Variants in SUPT3H observed in about 807,000 individuals in gnomAD.
The protein encoded by SUPT3H is SPT3 homolog, SAGA and STAGA complex component, also known as transcription initiation protein SPT3 homolog.
SUPT3H carries 44 observed loss-of-function variants against 44.3 expected under a neutral mutation model. The observed-to-expected ratio is 0.99, with a 90% CI of 0.78 to 1.28. The LOEUF (loss-of-function observed/expected upper bound fraction) is 1.28, where lower values mean the gene tolerates loss of function less well. SUPT3H is among the 50% of genes most tolerant of loss of function. The pLI is 0.00. For missense variants in SUPT3H, 380 were observed against 387.1 expected (o/e 0.98, Z 0.15); for synonymous variants, 124 against 125.6 (o/e 0.99, Z 0.09).
intron 2 of SUPT3H, among the ~76,000 whole-genome samples, chr6:45,330,515 G>C (rs1053963945): frequency 6.6e-6 from 1 of 151,816 alleles, no homozygotes; most frequent in African/African-American, 2.4e-5. Flanking sequence ...TTAAAAACCA[G>C]ATCAGGAACA....
chr6:44,892,821 A>C (rs1165167517), intron 10 of SUPT3H, among the ~76,000 whole-genome samples: 1 of 152,114 alleles, frequency 6.6e-6, no homozygotes, highest in Non-Finnish European at 1.5e-5. Flanking sequence ...ACCACAGCAC[A>C]TGGCTTCATC....
In SUPT3H at chr6:45,096,805, G is replaced by GT. The variant is rs534818011; in HGVS notation, c.186+9116dup. On this transcript the variant is annotated intron_variant, in intron 3 of 10. Coordinates refer to ENST00000371459, the MANE Select transcript of SUPT3H (RefSeq NM_003599.4). ...TAAAAATCTGTATTGACTAAGGGAG[G>GT]TTTTTTTTTAAAGAATCAAAGTATA... Among the ~76,000 whole-genome samples, 1,483 of 151,240 alleles carry GT rather than the reference G, an allele frequency of 9.8e-3. 7 individuals are homozygous for GT. Among genetic ancestry groups the GT allele is most frequent in the South Asian group, 0.015 (72 of 4,758 alleles).
Position 44,827,095 on chromosome 6 carries a change from C to T in SUPT3H, c.*2721G>A, listed in dbSNP as rs1024168376. Among the ~76,000 whole-genome samples the T allele has an allele frequency of 4.0e-4, 61 of 152,170 alleles. No homozygotes were observed. The highest frequency in any genetic ancestry group is 9.4e-4 in the African/African-American group (39 of 41,534). ...AAATCTAGGAAGCAGTATCAAGAGA[C>T]GCTATTTATTTATTGGCTTATTTAT... On this transcript the variant is annotated 3_prime_UTR_variant, in exon 11 of 11. Transcript: ENST00000371459.
chr6:45,310,636 G>T (rs1783792387), intron 2 of SUPT3H, among the ~76,000 whole-genome samples: 1 of 152,122 alleles, frequency 6.6e-6, no homozygotes, highest in African/African-American at 2.4e-5. Context: ...CACCAGCCAG[G>T]AGCTGGGTAG....
At chr6:45,265,739 C>T (rs956146768) in intron 2 of SUPT3H, among the ~76,000 whole-genome samples, 1 of 151,914 alleles carries the variant, frequency 6.6e-6, no homozygotes. Flanking sequence ...TTAGTGTGTT[C>T]CCTGCAGCAT....
chr6:44,945,298 A>C (rs1224484574), intron 9 of SUPT3H, among the ~76,000 whole-genome samples: 1 of 152,176 alleles, frequency 6.6e-6, no homozygotes, highest in Non-Finnish European at 1.5e-5. Flanking sequence ...TAGGCCAATT[A>C]ATAACCCTAC....
chr6:45,152,045 T>C (rs9349313), intron 2 of SUPT3H, among the ~76,000 whole-genome samples: 88,780 of 151,866 alleles, frequency 0.58, 26,736 homozygotes, highest in African/African-American at 0.73. Flanking sequence ...TCCCAAATCT[T>C]TAAATACCAT....
At chr6:45,318,710 A>G (rs1309812328) in intron 2 of SUPT3H, among the ~76,000 whole-genome samples, 1 of 152,184 alleles carries the variant, frequency 6.6e-6, no homozygotes, top group Admixed American at 6.5e-5. Flanking sequence ...TAATCCATAA[A>G]TTATTTCAAA....
chr6:45,014,032 C>G (rs572556250), intron 5 of SUPT3H, among the ~76,000 whole-genome samples: 4 of 152,160 alleles, frequency 2.6e-5, no homozygotes, highest in Non-Finnish European at 4.4e-5. Context: ...AAAAAATTTA[C>G]CAGTTAAATG....
At chr6:45,005,168 T>A (rs1365799838) in intron 5 of SUPT3H, among the ~76,000 whole-genome samples, 1 of 152,052 alleles carries the variant, frequency 6.6e-6, no homozygotes, top group Admixed American at 6.6e-5. Context: ...TGTCTCTCCA[T>A]GAGAAAAGCC....
chr6:45,153,395 T>C (rs1807262828), intron 2 of SUPT3H, among the ~76,000 whole-genome samples: 1 of 152,182 alleles, frequency 6.6e-6, no homozygotes. Context: ...AATCACTTAA[T>C]AGGAACAACA....
In SUPT3H at chr6:45,310,544, C is replaced by A. The variant is rs1210122080; in HGVS notation, c.101+54657G>T. Among the ~76,000 whole-genome samples the A allele has an allele frequency of 3.9e-5, 6 of 152,286 alleles. No individual in the cohort carries two copies. In the East Asian group the frequency reaches 7.7e-4, roughly 20 times the overall value. ...GAGTCCGTTGCACCCTCCACCACCT[C>A]CACCAGAACAGGCACTGGTATCCAC... On this transcript the variant is annotated intron_variant, in intron 2 of 10. Transcript: ENST00000371459.
chr6:45,357,314 C>G (rs1242348602), intron 2 of SUPT3H, among the ~76,000 whole-genome samples: 1 of 151,780 alleles, frequency 6.6e-6, no homozygotes, highest in Non-Finnish European at 1.5e-5. Context: ...GTCAAGAATC[C>G]ATTTTTATCT....
Position 45,179,041 on chromosome 6 carries a change from G to C in SUPT3H, c.102-73035C>G, listed in dbSNP as rs368383900. On this transcript the variant is annotated intron_variant, in intron 2 of 10. Coordinates refer to ENST00000371459, the MANE Select transcript of SUPT3H (RefSeq NM_003599.4). ...AATAGACGCAATAAAAAATGATAAA[G>C]GGGATATCACCACCGATCCCACAGA... is the stretch of plus-strand genomic sequence containing the variant. 1.2e-4 allele frequency among the ~76,000 whole-genome samples: 18 copies of C among 152,146 alleles called. No individual in the cohort carries two copies. The East Asian group carries it at 2.9e-3, about 24-fold the overall frequency.
chr6:44,871,060 G>T (rs1220334669), intron 10 of SUPT3H, among the ~76,000 whole-genome samples: 5 of 149,452 alleles, frequency 3.3e-5, no homozygotes, highest in African/African-American at 4.9e-5. Flanking sequence ...AGGCGGCAAC[G>T]AGGCTGGGGG....
At chr6:45,349,076 A>C (rs527959209) in intron 2 of SUPT3H, among the ~76,000 whole-genome samples, 2 of 152,304 alleles carry the variant, frequency 1.3e-5, no homozygotes, top group East Asian at 3.9e-4. Context: ...CATTACGTAA[A>C]TCAGTGGGAT....
chr6:45,321,771 AG>A (rs763579789), intron 2 of SUPT3H: 112 of 1,508,746 alleles, frequency 7.4e-5, no homozygotes, highest in Non-Finnish European at 9.5e-5. Context: ...GAAAAGCGAT[AG>A]GAACACAATT....
At chr6:45,254,058 T>C (rs1403520252) in intron 2 of SUPT3H, among the ~76,000 whole-genome samples, 2 of 151,818 alleles carry the variant, frequency 1.3e-5, no homozygotes. Flanking sequence ...GTACCTCATA[T>C]GTTTATATTT....
At chr6:45,026,397 T>C (rs1180117243) in intron 3 of SUPT3H, among the ~76,000 whole-genome samples, 1 of 148,334 alleles carries the variant, frequency 6.7e-6, no homozygotes, top group Non-Finnish European at 1.5e-5. Context: ...TTCTCTTTTA[T>C]TTGAAATGGG....
Sources: gnomAD v4.1 joint callset for allele counts (sites outside exome capture counted in the v4.1 genomes callset) on GRCh38, gnomAD v4.1.1 for gene constraint, MANE v1.5 for transcripts, NCBI Gene and HGNC (gene_info 2026-07-23, HGNC 2026-07-21) for gene names.